The following PPARA variants were observed in gnomAD, a reference collection of about 807,000 sequenced individuals.
The protein encoded by PPARA is peroxisome proliferator activated receptor alpha.
Under a neutral mutation model 42.2 loss-of-function variants are expected in PPARA, and 22 were observed. The ratio of observed to expected loss-of-function variants is 0.52; its 90% CI spans 0.37 to 0.74. The LOEUF is 0.74. Ranked by LOEUF, PPARA falls within the 30% of genes least tolerant of loss-of-function variation. The pLI is 0.00. For missense variants in PPARA, 465 were observed against 608.2 expected, an observed-to-expected ratio of 0.76 and a Z score of 2.48; for synonymous variants, 242 against 239.3, an observed-to-expected ratio of 1.01 and a Z score of -0.10.
intron 3 of PPARA, among the ~76,000 whole-genome samples, chr22:46,177,136 A>G (rs567583592): frequency 6.6e-5 from 10 of 152,290 alleles, no homozygotes; most frequent in South Asian, 2.1e-4. Flanking sequence ...GCGTGAACAC[A>G]GGAGGCAGAG....
chr22:46,181,494 C>T lies in PPARA; in HGVS notation c.-43+4658C>T, dbSNP rs141378279. ...GAGAGTGAGTGTGCATCACAAAGGG[C>T]GGGATGGGAGGAAAAGCATCGAAAC... On this transcript the variant is annotated intron_variant, in intron 3 of 8. Transcript: ENST00000407236. Among the ~76,000 whole-genome samples, 19 of 152,038 alleles carry T rather than the reference C, an allele frequency of 1.2e-4. No individual in the cohort carries two copies. In the East Asian group the frequency reaches 3.1e-3, roughly 25 times the overall value.
rs1425531600 is a variant in PPARA at position 46,224,697 on chromosome 22, T to C, written c.711+4683T>C. ...TAAACTAATGGATTCATACGAACCG[T>C]AATGAACGTGGGCTGTGTGCTGGGG... On this transcript the variant is annotated intron_variant, in intron 7 of 8. Coordinates refer to ENST00000407236, the MANE Select transcript of PPARA (RefSeq NM_005036.6). This position sits in a 1 kb window ranked among gnomAD's most constrained non-coding sequence, Gnocchi z 5.7. Among the ~76,000 whole-genome samples the C allele has an allele frequency of 1.3e-5, 2 of 152,136 alleles. No homozygotes were observed. Among genetic ancestry groups the C allele is most frequent in the African/African-American group, 4.8e-5 (2 of 41,430 alleles).
In PPARA at chr22:46,236,544, T is replaced by A. The variant is rs1261034408; in HGVS notation, c.*1164T>A. ...CCAGCTGTCTGTGGGAATGGTGGTG[T>A]TCTTAGGGACAGACTGACACCTTAC... On this transcript the variant is annotated 3_prime_UTR_variant, in exon 9 of 9. Coordinates refer to ENST00000407236, the MANE Select transcript of PPARA (RefSeq NM_005036.6). This position sits in a 1 kb window ranked among gnomAD's most constrained non-coding sequence, Gnocchi z 5.2. 6.6e-6 allele frequency: 1 copy of A among 152,662 alleles called. No homozygotes were observed. Among genetic ancestry groups the A allele is most frequent in the African/African-American group, 2.4e-5 (1 of 41,460 alleles). The allele number at this position is 152,662 out of a possible 1,614,324, so 9.5% of individuals were successfully genotyped here. A position where few individuals can be genotyped will look rare whatever the true frequency, so the allele number is the denominator to read the frequency against.
rs1053101050 is a variant in PPARA, at chr22:46,219,189, C to G, written c.509-623C>G. On this transcript the variant is annotated intron_variant, in intron 6 of 8. Coordinates refer to ENST00000407236, the MANE Select transcript of PPARA (RefSeq NM_005036.6). The surrounding 1 kb of genome is among the most constrained non-coding windows in gnomAD (Gnocchi z 4.8). ...AAAAAAAGAAAAAAAAAGAAAAAGT[C>G]TCAAATAGCTGAGATTCAGTGGTGC... Among the ~76,000 whole-genome samples the G allele has an allele frequency of 1.3e-5, 2 of 151,946 alleles. No homozygotes were observed. The highest frequency in any genetic ancestry group is 1.3e-4 in the Admixed American group (2 of 15,226).
intron 2 of PPARA, among the ~76,000 whole-genome samples, chr22:46,166,356 G>T (rs533485206): frequency 2.0e-5 from 3 of 152,334 alleles, no homozygotes; most frequent in Non-Finnish European, 4.4e-5. Context: ...GGTGGCTCAT[G>T]CCTGTAATCC....
intron 3 of PPARA, among the ~76,000 whole-genome samples, chr22:46,194,893 CTT>C (rs1161037504): frequency 0.021 from 2,487 of 116,010 alleles, 63 homozygotes; most frequent in African/African-American, 0.073. Flanking sequence ...TGTTTTCTTT[CTT>C]TTTTTTTTTT....
intron 3 of PPARA, among the ~76,000 whole-genome samples, chr22:46,189,154 C>T (rs1229182756): frequency 3.9e-5 from 6 of 152,210 alleles, no homozygotes; most frequent in African/African-American, 1.4e-4. Context: ...TTGATTGCAA[C>T]GGACACAAAA....
At position 46,232,419 on chromosome 22, in the gene PPARA, G is replaced by T. The variant is rs927270515; in HGVS notation, c.1159+180G>T. 2.0e-5 allele frequency among the ~76,000 whole-genome samples: 3 copies of T among 151,862 alleles called. No homozygotes were observed. The highest frequency in any genetic ancestry group is 7.3e-5 in the African/African-American group (3 of 41,342). The stretch of plus-strand genomic sequence containing the variant: ...ATTCAGTGGGAATTATAACAATATT[G>T]TATAATATTATAGTATATATTGTTA... On this transcript the variant is annotated intron_variant, in intron 8 of 8. Transcript: ENST00000407236. This position sits in a 1 kb window ranked among gnomAD's most constrained non-coding sequence, Gnocchi z 5.3.
intron 4 of PPARA, among the ~76,000 whole-genome samples, chr22:46,214,483 A>G (rs1049014446): frequency 6.7e-5 from 9 of 134,118 alleles, no homozygotes; most frequent in African/African-American, 1.7e-4. Context: ...AGATGGGCGA[A>G]TCGGAGATGC....
At chr22:46,209,872 T>G (rs1259518326) in intron 4 of PPARA, among the ~76,000 whole-genome samples, 1 of 152,010 alleles carries the variant, frequency 6.6e-6, no homozygotes, top group Admixed American at 6.6e-5. Flanking sequence ...CAGCCTCCTA[T>G]GTAGCTGGGA....
chr22:46,209,042 C>T (rs1933673408), intron 4 of PPARA, among the ~76,000 whole-genome samples: 1 of 152,116 alleles, frequency 6.6e-6, no homozygotes, highest in Non-Finnish European at 1.5e-5. Flanking sequence ...GACATCTCTT[C>T]AGCATACTGC....
At position 46,212,602 on chromosome 22, in the gene PPARA, T is replaced by G. The variant is rs1187886017; in HGVS notation, c.209-2571T>G. 6.6e-6 allele frequency among the ~76,000 whole-genome samples: 1 copy of G among 152,206 alleles called. No homozygotes were observed. Among genetic ancestry groups the G allele is most frequent in the Non-Finnish European group, 1.5e-5 (1 of 68,040 alleles). ...GTCTTTCCATGGCTTGATATCTCATTTCTTTTTACACTGAATGAGTTCCCA... is the reference window on the plus strand; with the variant it reads ...GTCTTTCCATGGCTTGATATCTCATGTCTTTTTACACTGAATGAGTTCCCA... On this transcript the variant is annotated intron_variant, in intron 4 of 8. Coordinates refer to ENST00000407236, the MANE Select transcript of PPARA (RefSeq NM_005036.6). The surrounding 1 kb of genome is among the most constrained non-coding windows in gnomAD (Gnocchi z 4.2).
In PPARA at chr22:46,217,832, T is replaced by C. The variant is rs1255477424; in HGVS notation, c.370-431T>C. Among the ~76,000 whole-genome samples the C allele has an allele frequency of 6.5e-4, 86 of 132,002 alleles. 1 individual carries two copies. The highest frequency in any genetic ancestry group is 6.1e-3 in the South Asian group (22 of 3,588). 86.6% of individuals were successfully genotyped at this position (132,002 alleles called of 152,430 possible). A position where few individuals can be genotyped will look rare whatever the true frequency, so the allele number is the denominator to read the frequency against. ...AACTATTTCTTTCTTTTTTTTTTTT[T>C]TTTTTTTTTTTTTTTTGAGATGGAG... On this transcript the variant is annotated intron_variant, in intron 5 of 8. Transcript: ENST00000407236.
intron 6 of PPARA, among the ~76,000 whole-genome samples, chr22:46,218,990 C>T (rs1464780750): frequency 6.6e-6 from 1 of 151,658 alleles, no homozygotes; most frequent in African/African-American, 2.4e-5. Flanking sequence ...GGCAAAACCC[C>T]GTCTCTAATA....
intron 7 of PPARA, among the ~76,000 whole-genome samples, chr22:46,229,668 A>G (rs1935734542): frequency 6.6e-6 from 1 of 152,238 alleles, no homozygotes; most frequent in East Asian, 1.9e-4. Flanking sequence ...AACAATGGTC[A>G]GAACTGTTTT....
intron 4 of PPARA, among the ~76,000 whole-genome samples, chr22:46,208,727 A>G (rs1380184061): frequency 6.6e-6 from 1 of 152,082 alleles, no homozygotes; most frequent in Non-Finnish European, 1.5e-5. Flanking sequence ...GCCCCTGATA[A>G]CCACCATTCC....
Position 46,200,847 on chromosome 22 carries a change from C to A in PPARA, c.208+2256C>A, listed in dbSNP as rs1932800192. Among the ~76,000 whole-genome samples, 1 of 152,016 alleles carries A rather than the reference C, an allele frequency of 6.6e-6. No homozygotes were observed. The highest frequency in any genetic ancestry group is 2.4e-5 in the African/African-American group (1 of 41,386). On this transcript the variant is annotated intron_variant, in intron 4 of 8. Transcript: ENST00000407236. The surrounding 1 kb of genome is among the most constrained non-coding windows in gnomAD (Gnocchi z 4.8). ...CTGAGGCAGGGAGAATTGCTTGAAC[C>A]CAGGAGGCAGAGGTTGCAGTGAGCA...
intron 2 of PPARA, among the ~76,000 whole-genome samples, chr22:46,166,403 G>A (rs1387016124): frequency 6.6e-6 from 1 of 151,908 alleles, no homozygotes; most frequent in Non-Finnish European, 1.5e-5. Flanking sequence ...GGATCATTTG[G>A]GGTCAGGAGT....
chr22:46,232,981 CAAAAAAA>C lies in PPARA; in HGVS notation c.1159+756_1159+762del, dbSNP rs71192405. 1.1e-5 allele frequency among the ~76,000 whole-genome samples: 1 copy of C among 93,608 alleles called. No homozygotes were observed. Among genetic ancestry groups the C allele is most frequent in the Non-Finnish European group, 2.2e-5 (1 of 45,490 alleles). The allele number at this position is 93,608 out of a possible 152,430, so 61.4% of individuals were successfully genotyped here. On this transcript the variant is annotated intron_variant, in intron 8 of 8. Coordinates refer to ENST00000407236, the MANE Select transcript of PPARA (RefSeq NM_005036.6). The surrounding 1 kb of genome is among the most constrained non-coding windows in gnomAD (Gnocchi z 5.3). Reference sequence around the variant, plus strand: ...TGGGCGACGAAGAATGACCCTGTCTCAAAAAAAAAAAAAAAAAAAATTATACACACAC... The same window carrying C: ...TGGGCGACGAAGAATGACCCTGTCTCAAAAAAAAAAAAATTATACACACAC...
Sources: allele counts gnomAD v4.1 joint callset (sites outside exome capture counted in the v4.1 genomes callset), GRCh38; gene constraint gnomAD v4.1.1; non-coding constraint Gnocchi (gnomAD v3.1); transcripts MANE v1.5; gene names NCBI Gene and HGNC (gene_info 2026-07-23, HGNC 2026-07-21).